Variants in KCNU1 observed in about 807,000 individuals in gnomAD.
KCNU1 encodes the protein potassium channel subfamily U member 1.
KCNU1 carries 93 observed loss-of-function variants against 126.8 expected under a neutral mutation model. That is an observed-to-expected ratio of 0.73 (90% CI 0.62 to 0.87). KCNU1 has a LOEUF of 0.87. Ranked by LOEUF, KCNU1 falls within the 40% of genes least tolerant of loss-of-function variation. The pLI, the probability that KCNU1 is intolerant of heterozygous loss-of-function variation, is 0.00. For synonymous variants in KCNU1, 523 were observed against 494.2 expected (o/e 1.06, Z -0.77); for missense variants, 1,330 against 1,367.1 (o/e 0.97, Z 0.43).
chr8:36,899,040 T>C (rs1807310388), intron 19 of KCNU1, among the ~76,000 whole-genome samples: 1 of 150,854 alleles, frequency 6.6e-6, no homozygotes, highest in Non-Finnish European at 1.5e-5. Context: ...AAGAGGGAAA[T>C]TGTCTTTTTA....
At chr8:36,915,152 A>G (rs1383072079) in intron 22 of KCNU1, among the ~76,000 whole-genome samples, 1 of 152,222 alleles carries the variant, frequency 6.6e-6, no homozygotes, top group African/African-American at 2.4e-5. Context: ...CTTTATTAGC[A>G]AAGAACTGGA....
At chr8:36,789,704 G>T (rs1742194061) in intron 2 of KCNU1, among the ~76,000 whole-genome samples, 1 of 152,200 alleles carries the variant, frequency 6.6e-6, no homozygotes, top group African/African-American at 2.4e-5. Flanking sequence ...AGGTATGGTT[G>T]TTACAGAGTA....
intron 18 of KCNU1, among the ~76,000 whole-genome samples, chr8:36,857,741 G>T (rs1412667415): frequency 6.6e-6 from 1 of 151,924 alleles, no homozygotes; most frequent in African/African-American, 2.4e-5. Flanking sequence ...CACCTCCCGG[G>T]TTAAAGTGAT....
chr8:36,933,263 C>T (rs1808756624), intron 26 of KCNU1, among the ~76,000 whole-genome samples: 1 of 151,964 alleles, frequency 6.6e-6, no homozygotes, highest in Admixed American at 6.6e-5. Flanking sequence ...AGTCTCTGTC[C>T]CCCAGTGAAA....
intron 19 of KCNU1, among the ~76,000 whole-genome samples, chr8:36,890,116 G>A (rs1806899496): frequency 6.6e-6 from 1 of 152,020 alleles, no homozygotes; most frequent in Non-Finnish European, 1.5e-5. Context: ...AACTGAGGCA[G>A]TTTATCACCA....
chr8:36,903,859 G>A (rs977095320), intron 19 of KCNU1, among the ~76,000 whole-genome samples: 2 of 152,172 alleles, frequency 1.3e-5, no homozygotes, highest in Non-Finnish European at 2.9e-5. Context: ...GAAGTGCAAA[G>A]TGAATTGGGG....
chr8:36,816,295 C>G (rs1803908805), intron 9 of KCNU1, among the ~76,000 whole-genome samples: 1 of 151,732 alleles, frequency 6.6e-6, no homozygotes, highest in East Asian at 1.9e-4. Flanking sequence ...ATTATTTCTT[C>G]TTGGATTCAT....
chr8:36,795,600 G>A (rs758588041), intron 2 of KCNU1: 1 of 152,460 alleles, frequency 6.6e-6, no homozygotes, highest in African/African-American at 2.4e-5. Context: ...AAGCAGTGTG[G>A]TACTTTCCAA....
intron 19 of KCNU1, among the ~76,000 whole-genome samples, chr8:36,891,767 T>C (rs1205412020): frequency 6.6e-6 from 1 of 152,074 alleles, no homozygotes; most frequent in African/African-American, 2.4e-5. Context: ...TTTTGAGAAC[T>C]TTATATATGT....
chr8:36,898,541 G>T (rs935386524), intron 19 of KCNU1, among the ~76,000 whole-genome samples: 1 of 151,466 alleles, frequency 6.6e-6, no homozygotes, highest in Non-Finnish European at 1.5e-5. Context: ...CTCATGCTCC[G>T]ATTCCCCATC....
chr8:36,818,631 T>A (rs139220838), intron 10 of KCNU1, among the ~76,000 whole-genome samples: 92 of 152,320 alleles, frequency 6.0e-4, no homozygotes, highest in African/African-American at 2.2e-3. Context: ...TCTCAAATGA[T>A]TCATCGGTTA....
chr8:36,794,536 A>T (rs1035301717), intron 2 of KCNU1, among the ~76,000 whole-genome samples: 2 of 152,054 alleles, frequency 1.3e-5, no homozygotes, highest in Non-Finnish European at 2.9e-5. Context: ...CTAGTCAGTT[A>T]TATGAACATA....
chr8:36,899,767 A>C (rs1472968271), intron 19 of KCNU1, among the ~76,000 whole-genome samples: 1 of 152,108 alleles, frequency 6.6e-6, no homozygotes, highest in East Asian at 1.9e-4. Flanking sequence ...AGGTGTAGAA[A>C]GTTTTCTGCA....
chr8:36,803,963 T>G, intron 2 of KCNU1, 64 bp from the exon 3 acceptor site: 1 of 1,090,476 alleles, frequency 9.2e-7, no homozygotes, highest in South Asian at 1.3e-5. Flanking sequence ...AAAACACACT[T>G]TTGTCGATTT....
chr8:36,892,531 T>A (rs569119604), intron 19 of KCNU1, among the ~76,000 whole-genome samples: 126 of 127,714 alleles, frequency 9.9e-4, no homozygotes, highest in Non-Finnish European at 1.4e-3. Flanking sequence ...ACTTACTGTG[T>A]CTTTGTGTCT....
intron 25 of KCNU1, among the ~76,000 whole-genome samples, chr8:36,931,450 C>T (rs528220322): frequency 9.9e-4 from 150 of 152,150 alleles, no homozygotes; most frequent in Non-Finnish European, 1.7e-3. Context: ...CAACTTTGTA[C>T]CTTGACAAGA....
At chr8:36,874,865 TCCTTGAACGTC>T (rs1032830780) in intron 19 of KCNU1, among the ~76,000 whole-genome samples, 3 of 152,002 alleles carry the variant, frequency 2.0e-5, no homozygotes, top group Admixed American at 2.0e-4. Flanking sequence ...CAGATTTTTC[TCCTTGAACGTC>T]CCTTTCCCTC....
At chr8:36,816,695 T>TA (rs773161475) in intron 9 of KCNU1, among the ~76,000 whole-genome samples, 51 of 152,346 alleles carry the variant, frequency 3.3e-4, no homozygotes, top group Non-Finnish European at 5.0e-4. Context: ...CTTCAATGGC[T>TA]AATAGGAGGA....
At chr8:36,882,677 A>G (rs1057104189) in intron 19 of KCNU1, among the ~76,000 whole-genome samples, 1 of 151,834 alleles carries the variant, frequency 6.6e-6, no homozygotes, top group South Asian at 2.1e-4. Flanking sequence ...TCCTCCTCCC[A>G]GGTTCAAGCG....
Sources: allele counts gnomAD v4.1 joint callset (sites outside exome capture counted in the v4.1 genomes callset), GRCh38; gene constraint gnomAD v4.1.1; transcripts MANE v1.5; gene names NCBI Gene and HGNC (gene_info 2026-07-23, HGNC 2026-07-21).